TAFA2: variants seen among roughly 807,000 people sequenced by gnomAD.
TAFA2 encodes chemokine-like protein TAFA-2.
In TAFA2, 7 loss-of-function variants were observed where a neutral mutation model predicts 18.8. The observed-to-expected ratio is 0.37, with a 90% CI of 0.21 to 0.70. The LOEUF (loss-of-function observed/expected upper bound fraction) is 0.70, where lower values mean the gene tolerates loss of function less well. Among genes scored for constraint, TAFA2 ranks in the 30% least tolerant of loss-of-function variants. The probability of loss-of-function intolerance (pLI) is 0.53; values close to 1 mark genes in which losing one functional copy is unlikely to be tolerated. For synonymous variants in TAFA2, 60 were observed against 54.2 expected (o/e 1.11, Z -0.47); for missense variants, 122 against 158.1 (o/e 0.77, Z 1.23).
At chr12:61,746,246 A>G (rs7132134) in intron 4 of TAFA2, among the ~76,000 whole-genome samples, 56,791 of 151,908 alleles carry the variant, frequency 0.37, 10,828 homozygotes, top group African/African-American at 0.46. Flanking sequence ...CACTCACTCC[A>G]TCCTGCCGCC....
At chr12:61,749,231 C>T (rs922880484) in intron 4 of TAFA2, among the ~76,000 whole-genome samples, 1 of 152,020 alleles carries the variant, frequency 6.6e-6, no homozygotes, top group Non-Finnish European at 1.5e-5. Context: ...TAAGACTGTG[C>T]CACTGCACTC....
At chr12:62,106,760 T>C (rs1869473631) in intron 1 of TAFA2, among the ~76,000 whole-genome samples, 1 of 152,208 alleles carries the variant, frequency 6.6e-6, no homozygotes, top group African/African-American at 2.4e-5. Flanking sequence ...AGCTGCCTTA[T>C]TTGCCTTTCA....
At chr12:61,732,637 ATAGT>A (rs1188602341) in intron 4 of TAFA2, among the ~76,000 whole-genome samples, 4 of 151,932 alleles carry the variant, frequency 2.6e-5, no homozygotes, top group Non-Finnish European at 5.9e-5. Context: ...TCAGATGGTG[ATAGT>A]TAGCAATGTT....
rs189972635 is a variant in TAFA2 at position 61,730,281 on chromosome 12, T to C, written c.385-19864A>G. ...GGATGTTATAGGCAGTGGAATTAGC[T>C]GGTGTATTTTTCTTCCTCGGAGCAG... On this transcript the variant is annotated intron_variant, in intron 4 of 4. Transcript: ENST00000416284. 2.6e-5 allele frequency among the ~76,000 whole-genome samples: 4 copies of C among 152,240 alleles called. No homozygotes were observed. The East Asian group carries it at 5.8e-4, about 22-fold the overall frequency.
intron 1 of TAFA2, among the ~76,000 whole-genome samples, chr12:62,160,139 C>CTT (rs1565765125): frequency 1.3e-5 from 2 of 152,196 alleles, no homozygotes; most frequent in African/African-American, 4.8e-5. Context: ...ATCTGAAGCT[C>CTT]TTTTTGTCAA....
Position 62,005,758 on chromosome 12 carries a change from GAT to G in TAFA2, c.-1-138334_-1-138333del, listed in dbSNP as rs1880525075. On this transcript the variant is annotated intron_variant, in intron 1 of 4. Transcript: ENST00000416284. ...CATTAATCCACAAAAATACTATATG[GAT>G]TTTACAGATAAGCAAAGTGAGGTGT... Among the ~76,000 whole-genome samples, 2 of 152,016 alleles carry G rather than the reference GAT, an allele frequency of 1.3e-5. 1 individual carries two copies. The highest frequency in any genetic ancestry group is 4.1e-4 in the South Asian group (2 of 4,830).
chr12:61,999,507 G>A (rs758386671), intron 1 of TAFA2, among the ~76,000 whole-genome samples: 6 of 152,166 alleles, frequency 3.9e-5, no homozygotes, highest in South Asian at 4.1e-4. Flanking sequence ...TAGGCCATTC[G>A]TTCATTCATT....
intron 1 of TAFA2, among the ~76,000 whole-genome samples, chr12:62,017,819 ACAAG>A (rs945801244): frequency 2.7e-4 from 41 of 152,190 alleles, no homozygotes; most frequent in African/African-American, 9.4e-4. Context: ...ATAAAAGAAA[ACAAG>A]CAGCCAATAT....
chr12:61,718,641 T>A (rs1231490090), intron 4 of TAFA2, among the ~76,000 whole-genome samples: 1 of 152,214 alleles, frequency 6.6e-6, no homozygotes, highest in Non-Finnish European at 1.5e-5. Context: ...AGATATTTAT[T>A]CTATATGCCA....
At chr12:62,153,921 A>ATTATGTTATGTTATGTTATG (rs60466452) in intron 1 of TAFA2, among the ~76,000 whole-genome samples, 4,846 of 124,070 alleles carry the variant, frequency 0.039, 172 homozygotes, top group African/African-American at 0.052. Context: ...ACATAACAAA[A>ATTATGTTATGTTATGTTATG]TTATGTTATG....
intron 2 of TAFA2, among the ~76,000 whole-genome samples, chr12:61,803,002 A>G (rs1484773099): frequency 1.3e-5 from 2 of 151,988 alleles, no homozygotes; most frequent in African/African-American, 4.8e-5. Context: ...ATATAATTTA[A>G]AACTCCTAGC....
chr12:61,735,977 A>G (rs987479831), intron 4 of TAFA2, among the ~76,000 whole-genome samples: 5 of 152,038 alleles, frequency 3.3e-5, no homozygotes, highest in Admixed American at 1.3e-4. Context: ...CAGGTATTAA[A>G]GTGATTCAGA....
intron 1 of TAFA2, among the ~76,000 whole-genome samples, chr12:62,170,295 G>T (rs535589586): frequency 6.6e-6 from 1 of 152,344 alleles, no homozygotes; most frequent in East Asian, 1.9e-4. Flanking sequence ...TGAACCTGAT[G>T]TTAAGTCATT....
intron 1 of TAFA2, among the ~76,000 whole-genome samples, chr12:62,116,722 C>A (rs1451464871): frequency 6.6e-6 from 1 of 151,230 alleles, no homozygotes; most frequent in African/African-American, 2.5e-5. Flanking sequence ...ACAGCAGACA[C>A]TAATTATGGA....
chr12:61,826,137 G>A (rs1276760110), intron 2 of TAFA2, among the ~76,000 whole-genome samples: 1 of 152,006 alleles, frequency 6.6e-6, no homozygotes, highest in Non-Finnish European at 1.5e-5. Flanking sequence ...ATGAGTGTGA[G>A]CTGCCAACAA....
intron 1 of TAFA2, among the ~76,000 whole-genome samples, chr12:62,154,040 T>C (rs1238306729): frequency 1.3e-5 from 2 of 152,044 alleles, no homozygotes; most frequent in Non-Finnish European, 2.9e-5. Flanking sequence ...CTCAACCTCC[T>C]GAGTAGCTGA....
At chr12:62,042,156 AC>A (rs2136760798) in intron 1 of TAFA2, among the ~76,000 whole-genome samples, 1 of 151,964 alleles carries the variant, frequency 6.6e-6, no homozygotes, top group Admixed American at 6.6e-5. Flanking sequence ...GGCAGAAGAC[AC>A]CCCTTCATGG....
chr12:62,147,701 G>T lies in TAFA2; in HGVS notation c.-2+43558C>A, dbSNP rs573514863. Among the ~76,000 whole-genome samples the T allele has an allele frequency of 2.3e-5, 3 of 130,306 alleles. No individual in the cohort carries two copies. In the East Asian group the frequency reaches 6.5e-4, roughly 28 times the overall value. 85.5% of individuals were successfully genotyped at this position (130,306 alleles called of 152,430 possible). On this transcript the variant is annotated intron_variant, in intron 1 of 4. Transcript: ENST00000416284. ...GCCAAGATCCCGCCACTGCACTCCA[G>T]CCTGGGCAACAGAGCAAGACTCTGT...
chr12:62,060,174 T>C (rs1882306830), intron 1 of TAFA2, among the ~76,000 whole-genome samples: 1 of 152,242 alleles, frequency 6.6e-6, no homozygotes, highest in Non-Finnish European at 1.5e-5. Flanking sequence ...GCTTTAGACT[T>C]TGTCTCCTGT....
Sources: gnomAD v4.1 joint callset for allele counts (sites outside exome capture counted in the v4.1 genomes callset) on GRCh38, gnomAD v4.1.1 for gene constraint, MANE v1.5 for transcripts, NCBI Gene and HGNC (gene_info 2026-07-23, HGNC 2026-07-21) for gene names.